NBAS: variants seen among roughly 807,000 people sequenced by gnomAD.
NBAS encodes the protein NAG/BC035112 fusion.
In NBAS, 219 loss-of-function variants were observed where a neutral mutation model predicts 302.5. The observed-to-expected ratio is 0.72, with a 90% CI of 0.65 to 0.81. The LOEUF (loss-of-function observed/expected upper bound fraction) is 0.81, where lower values mean the gene tolerates loss of function less well. Ranked by LOEUF, NBAS falls within the 30% of genes least tolerant of loss-of-function variation. NBAS has a pLI of 0.00. For missense variants in NBAS, 2,932 were observed against 2,841.6 expected (o/e 1.03, Z -0.72); for synonymous variants, 1,118 against 1,021.6 (o/e 1.09, Z -1.80).
the NBAS span, among the ~76,000 whole-genome samples, chr2:14,815,040 C>T: frequency 6.6e-6 from 1 of 152,158 alleles, no homozygotes; most frequent in African/African-American, 2.4e-5. Flanking sequence ...TTTCCCTTTG[C>T]CTTCCATCAT....
intron 9 of NBAS, among the ~76,000 whole-genome samples, chr2:15,518,142 A>C (rs899566814): frequency 2.6e-5 from 4 of 152,182 alleles, no homozygotes; most frequent in Admixed American, 6.5e-5. Context: ...AAAAAAAAAA[A>C]AAAACAGTGA....
chr2:15,250,911 G>A lies in NBAS; in HGVS notation c.5725-12225C>T, dbSNP rs1668335197. 2.6e-5 allele frequency among the ~76,000 whole-genome samples: 4 copies of A among 152,130 alleles called. 1 individual carries two copies. The South Asian group carries it at 8.3e-4, about 31-fold the overall frequency. On this transcript the variant is annotated intron_variant, in intron 44 of 51. Transcript: ENST00000281513. ...GGAAAACAGTGTGGCAATTCCTCAAGGATCTAGAACTAGAAATACCATTTG... is the reference window on the plus strand; with the variant it reads ...GGAAAACAGTGTGGCAATTCCTCAAAGATCTAGAACTAGAAATACCATTTG...
At chr2:15,202,351 T>C (rs1229541330) in intron 48 of NBAS, among the ~76,000 whole-genome samples, 2 of 152,218 alleles carry the variant, frequency 1.3e-5, no homozygotes, top group Non-Finnish European at 2.9e-5. Flanking sequence ...ATGTAATACA[T>C]ATTTTTACAT....
chr2:14,839,604 C>T, the NBAS span, among the ~76,000 whole-genome samples: 1 of 152,074 alleles, frequency 6.6e-6, no homozygotes, highest in South Asian at 2.1e-4. Flanking sequence ...TTCTAGCTCA[C>T]CTTTCCATTC....
At chr2:15,135,511 C>T in the NBAS span, among the ~76,000 whole-genome samples, 18 of 152,072 alleles carry the variant, frequency 1.2e-4, no homozygotes, top group Non-Finnish European at 1.3e-4. Context: ...AGGCCTTTCC[C>T]GCCCTGCTGC....
intron 21 of NBAS, among the ~76,000 whole-genome samples, chr2:15,434,571 G>A (rs1665181640): frequency 6.6e-6 from 1 of 152,042 alleles, no homozygotes. Context: ...TTCTGAATTT[G>A]GTGTTATATA....
chr2:15,211,371 A>G lies in NBAS; in HGVS notation c.6432+7402T>C, dbSNP rs1458748271. 2.6e-5 allele frequency among the ~76,000 whole-genome samples: 4 copies of G among 152,332 alleles called. No homozygotes were observed. In the East Asian group the frequency reaches 7.7e-4, roughly 29 times the overall value. On this transcript the variant is annotated intron_variant, in intron 48 of 51. Transcript: ENST00000281513. Reference sequence around the variant, plus strand: ...CGAACAGTATTTGAATTATGTGTAAATTGGATGACAGTATCGAAACAATGT... The same window carrying G: ...CGAACAGTATTTGAATTATGTGTAAGTTGGATGACAGTATCGAAACAATGT...
chr2:14,887,296 C>T, the NBAS span, among the ~76,000 whole-genome samples: 5 of 150,712 alleles, frequency 3.3e-5, no homozygotes, highest in East Asian at 3.9e-4. Context: ...CTCAGCTACT[C>T]GAGAGGCTGA....
the NBAS span, among the ~76,000 whole-genome samples, chr2:14,805,299 G>A: frequency 6.6e-6 from 1 of 152,220 alleles, no homozygotes; most frequent in Non-Finnish European, 1.5e-5. Flanking sequence ...TGTCGCAAAG[G>A]AATGGCAATT....
At chr2:15,033,939 CCT>C in the NBAS span, among the ~76,000 whole-genome samples, 1 of 140,612 alleles carries the variant, frequency 7.1e-6, no homozygotes, top group African/African-American at 2.6e-5. Flanking sequence ...CAGGGCAAGA[CCT>C]TGTCAAAAAA....
At chr2:15,110,290 C>A in the NBAS span, among the ~76,000 whole-genome samples, 2 of 152,116 alleles carry the variant, frequency 1.3e-5, no homozygotes, top group African/African-American at 4.8e-5. Flanking sequence ...GCACAGGCAA[C>A]TATCTTATTG....
At chr2:14,958,883 T>C in the NBAS span, among the ~76,000 whole-genome samples, 1 of 152,032 alleles carries the variant, frequency 6.6e-6, no homozygotes, top group Non-Finnish European at 1.5e-5. Flanking sequence ...TCTAGGGCAT[T>C]AGAAATCAAA....
chr2:15,250,703 G>A (rs1486456186), intron 44 of NBAS, among the ~76,000 whole-genome samples: 1 of 152,164 alleles, frequency 6.6e-6, no homozygotes, highest in Non-Finnish European at 1.5e-5. Flanking sequence ...ACAAGCATAT[G>A]AAAAAAGCTC....
chr2:15,456,105 GCAT>G (rs925655656), intron 21 of NBAS, among the ~76,000 whole-genome samples: 7 of 152,156 alleles, frequency 4.6e-5, no homozygotes, highest in African/African-American at 1.7e-4. Flanking sequence ...ATAAAAAGAT[GCAT>G]CAACTATGAC....
intron 35 of NBAS, among the ~76,000 whole-genome samples, chr2:15,345,476 C>T (rs1673046656): frequency 6.6e-6 from 1 of 152,112 alleles, no homozygotes; most frequent in African/African-American, 2.4e-5. Flanking sequence ...AGGAGAACTA[C>T]AAACCACTGC....
chr2:15,212,317 C>T (rs1421433105), intron 48 of NBAS, among the ~76,000 whole-genome samples: 2 of 152,214 alleles, frequency 1.3e-5, no homozygotes, highest in Admixed American at 6.5e-5. Flanking sequence ...CTTCTCGGGC[C>T]ACACCCTTCC....
intron 27 of NBAS, among the ~76,000 whole-genome samples, chr2:15,395,176 A>G (rs1277565935): frequency 6.6e-6 from 1 of 152,130 alleles, no homozygotes; most frequent in Admixed American, 6.5e-5. Context: ...TCCTTGAGGT[A>G]CTGATGGCAT....
intron 19 of NBAS, among the ~76,000 whole-genome samples, chr2:15,462,480 A>T (rs1679548185): frequency 6.6e-6 from 1 of 152,168 alleles, no homozygotes; most frequent in South Asian, 2.1e-4. Context: ...CATGTCTGCC[A>T]TGTTTAATAC....
the NBAS span, among the ~76,000 whole-genome samples, chr2:14,983,232 C>T: frequency 6.6e-6 from 1 of 152,148 alleles, no homozygotes; most frequent in Non-Finnish European, 1.5e-5. Context: ...TGAGTGCATG[C>T]CATGTGTTTT....
Sources: gnomAD v4.1 joint callset for allele counts (sites outside exome capture counted in the v4.1 genomes callset) on GRCh38, gnomAD v4.1.1 for gene constraint, MANE v1.5 for transcripts, NCBI Gene and HGNC (gene_info 2026-07-23, HGNC 2026-07-21) for gene names.